The following NAV3 variants were observed in gnomAD, a reference collection of about 807,000 sequenced individuals.
NAV3 encodes pore membrane and/or filament interacting like protein 1.
In NAV3, 87 loss-of-function variants were observed where a neutral mutation model predicts 244.7. The observed-to-expected ratio is 0.36, with a 90% CI of 0.30 to 0.42. The LOEUF (loss-of-function observed/expected upper bound fraction) is 0.42, where lower values mean the gene tolerates loss of function less well. NAV3 is among the 20% of genes least tolerant of loss of function. The probability of loss-of-function intolerance (pLI) is 1.00; values close to 1 mark genes in which losing one functional copy is unlikely to be tolerated. For synonymous variants in NAV3, 1,126 were observed against 1,042.2 expected (o/e 1.08, Z -1.55); for missense variants, 2,663 against 2,893.3 (o/e 0.92, Z 1.83).
chr12:77,857,124 T>C (rs1416190985), intron 1 of NAV3, among the ~76,000 whole-genome samples: 1 of 152,074 alleles, frequency 6.6e-6, no homozygotes, highest in East Asian at 1.9e-4. Flanking sequence ...AGCATGAAAG[T>C]TGGAATCCAA....
At chr12:77,844,822 A>G (rs1009654657) in intron 1 of NAV3, among the ~76,000 whole-genome samples, 6 of 152,192 alleles carry the variant, frequency 3.9e-5, no homozygotes, top group Non-Finnish European at 8.8e-5. Context: ...ATATGAAATC[A>G]CTAAACTTCT....
chr12:77,651,554 A>G (rs1441896251), intron 2 of NAV3, among the ~76,000 whole-genome samples: 1 of 152,186 alleles, frequency 6.6e-6, no homozygotes, highest in African/African-American at 2.4e-5. Flanking sequence ...TTATTGGTAC[A>G]GTGCTTGCCT....
At chr12:77,859,758 C>CAAAAAAAAA (rs61516625) in intron 1 of NAV3, among the ~76,000 whole-genome samples, 20 of 68,716 alleles carry the variant, frequency 2.9e-4, no homozygotes, top group East Asian at 1.1e-3. Flanking sequence ...CTTTCAAATG[C>CAAAAAAAAA]AAAAAAAAAA....
rs748966929 is a variant in NAV3 at position 78,118,035 on chromosome 12, A to G, written c.2778A>G (p.Thr926=). The change falls in exon 14 of 40, where the codon ACA becomes ACG. Residue 926 remains threonine, a synonymous_variant. Coordinates refer to ENST00000397909, the MANE Select transcript of NAV3 (RefSeq NM_001024383.2). ...AATATTTGTCTTTATAGCTGAGGAC[A>G]GATTCAGAGAAACGCTCCACCACAG... is the stretch of plus-strand genomic sequence containing the variant. ...VPSRKNTQLR[T]DSEKRSTTDE... 1.2e-6 allele frequency: 2 copies of G among 1,606,592 alleles called. No individual in the cohort carries two copies. The highest frequency in any genetic ancestry group is 1.1e-5 in the South Asian group (1 of 90,432).
intron 12 of NAV3, among the ~76,000 whole-genome samples, chr12:78,105,587 A>T (rs1400823778): frequency 6.6e-6 from 1 of 152,036 alleles, no homozygotes; most frequent in East Asian, 1.9e-4. Flanking sequence ...TTTTCTATGG[A>T]CAAGTTGGTA....
chr12:78,028,902 G>A (rs920464535), intron 9 of NAV3, among the ~76,000 whole-genome samples: 5 of 152,200 alleles, frequency 3.3e-5, no homozygotes, highest in South Asian at 4.1e-4. Flanking sequence ...TCCTTCAATC[G>A]AAAAAGAATA....
intron 9 of NAV3, among the ~76,000 whole-genome samples, chr12:78,038,264 C>T (rs1314244729): frequency 6.6e-6 from 1 of 152,170 alleles, no homozygotes; most frequent in Non-Finnish European, 1.5e-5. Context: ...TCCCTTCTTC[C>T]ATAAGTATTA....
intron 23 of NAV3, among the ~76,000 whole-genome samples, chr12:78,162,938 TATTTATAAATATGTA>T (rs1957624233): frequency 8.2e-6 from 1 of 121,820 alleles, no homozygotes; most frequent in African/African-American, 3.1e-5. Flanking sequence ...ATAAATTACA[TATTTATAAATATGTA>T]ATTTATATAT....
At position 77,919,860 on chromosome 12, in the gene NAV3, G is replaced by A. The variant is rs887439893; in HGVS notation, c.244-20459G>A. ...TTGACCCTATTGAAAATTTAATCAC[G>A]CTTGGATTGTTTGGTGACCTTTTGT... is the stretch of plus-strand genomic sequence containing the variant. On this transcript the variant is annotated intron_variant, in intron 1 of 39. Coordinates refer to ENST00000397909, the MANE Select transcript of NAV3 (RefSeq NM_001024383.2). Among the ~76,000 whole-genome samples, 44 of 151,960 alleles carry A rather than the reference G, an allele frequency of 2.9e-4. 1 individual carries two copies. The highest frequency in any genetic ancestry group is 6.8e-3 in the Middle Eastern group (2 of 294).
At chr12:77,601,831 T>C (rs1169308930) in intron 2 of NAV3, among the ~76,000 whole-genome samples, 1 of 151,978 alleles carries the variant, frequency 6.6e-6, no homozygotes, top group East Asian at 1.9e-4. Flanking sequence ...GCAGTATCCA[T>C]GCAATTGGAC....
At chr12:77,719,052 C>T (rs979973282) in intron 2 of NAV3, among the ~76,000 whole-genome samples, 3 of 152,088 alleles carry the variant, frequency 2.0e-5, no homozygotes, top group African/African-American at 7.2e-5. Context: ...TAAGTTTATT[C>T]ATAAGTATTT....
At chr12:77,929,798 ATTTTTTTTTTTT>A (rs10602394) in intron 1 of NAV3, among the ~76,000 whole-genome samples, 4 of 106,044 alleles carry the variant, frequency 3.8e-5, no homozygotes, top group Non-Finnish European at 7.4e-5. Context: ...ACGGCCAGCT[ATTTTTTTTTTTT>A]TTTTTTTTTT....
intron 1 of NAV3, among the ~76,000 whole-genome samples, chr12:77,832,405 G>T (rs185969839): frequency 6.6e-6 from 1 of 152,146 alleles, no homozygotes; most frequent in Non-Finnish European, 1.5e-5. Context: ...CACTGAAGCT[G>T]CTGAACTTCA....
intron 3 of NAV3, among the ~76,000 whole-genome samples, chr12:77,944,100 A>G (rs1890113473): frequency 6.6e-6 from 1 of 152,202 alleles, no homozygotes; most frequent in African/African-American, 2.4e-5. Context: ...GGCGAGAACA[A>G]AAACGACTGA....
rs1448138776 is a variant in NAV3 at position 77,941,104 on chromosome 12, A to G, written c.385A>G (p.Asn129Asp). 1.3e-6 allele frequency: 2 copies of G among 1,586,638 alleles called. No individual in the cohort carries two copies. Among genetic ancestry groups the G allele is most frequent in the Non-Finnish European group, 1.7e-6 (2 of 1,161,478 alleles). ...IIANEKVEDI[N>D]GCPRSQSQMI... Reference sequence around the variant, plus strand: ...AGCAAATGAAAAAGTTGAAGATATCAATGGATGTCCTAGAAGTCAGTCTCA... The same window carrying G: ...AGCAAATGAAAAAGTTGAAGATATCGATGGATGTCCTAGAAGTCAGTCTCA... The change falls in exon 3 of 40, where the codon AAT becomes GAT. Residue 129 changes from asparagine to aspartate, a missense_variant. Coordinates refer to ENST00000397909, the MANE Select transcript of NAV3 (RefSeq NM_001024383.2).
At chr12:77,753,243 G>A (rs560993784) in intron 2 of NAV3, among the ~76,000 whole-genome samples, 2 of 152,078 alleles carry the variant, frequency 1.3e-5, no homozygotes, top group African/African-American at 4.8e-5. Context: ...TAGAATCTAC[G>A]CAGTGAAGAA....
Position 77,874,585 on chromosome 12 carries a change from A to G in NAV3, c.243+42881A>G, listed in dbSNP as rs192402667. 1.8e-3 allele frequency among the ~76,000 whole-genome samples: 271 copies of G among 152,044 alleles called. 2 individuals are homozygous for G. Among genetic ancestry groups the G allele is most frequent in the African/African-American group, 6.4e-3 (264 of 41,382 alleles). On this transcript the variant is annotated intron_variant, in intron 1 of 39. Coordinates refer to ENST00000397909, the MANE Select transcript of NAV3 (RefSeq NM_001024383.2). ...CTAAACTTACTTGCATTGCTTTATT[A>G]CTAGTAAACAATTTCTTGTGGTTAG...
intron 2 of NAV3, among the ~76,000 whole-genome samples, chr12:77,713,938 A>G (rs1378100664): frequency 1.3e-5 from 2 of 152,130 alleles, no homozygotes; most frequent in Non-Finnish European, 2.9e-5. Flanking sequence ...CCCAATAAAC[A>G]TTAGTTGCTA....
intron 1 of NAV3, among the ~76,000 whole-genome samples, chr12:77,854,148 A>G (rs1410914046): frequency 6.6e-6 from 1 of 152,184 alleles, no homozygotes; most frequent in African/African-American, 2.4e-5. Flanking sequence ...TCGTTTTCAG[A>G]CATAGCCTAA....
Sources: gnomAD v4.1 joint callset for allele counts (sites outside exome capture counted in the v4.1 genomes callset) on GRCh38, gnomAD v4.1.1 for gene constraint, MANE v1.5 for transcripts, NCBI Gene and HGNC (gene_info 2026-07-23, HGNC 2026-07-21) for gene names.